AP4E1: variants seen among roughly 807,000 people sequenced by gnomAD.
AP4E1 encodes adaptor related protein complex 4 subunit epsilon 1.
AP4E1 carries 56 observed loss-of-function variants against 128.2 expected under a neutral mutation model. The ratio of observed to expected loss-of-function variants is 0.44; its 90% CI spans 0.35 to 0.55. The LOEUF (loss-of-function observed/expected upper bound fraction) is 0.55. AP4E1 is among the 20% of genes least tolerant of loss of function. The probability of loss-of-function intolerance (pLI) is 0.00; values close to 1 mark genes in which losing one functional copy is unlikely to be tolerated. For missense variants in AP4E1, 1,324 were observed against 1,307.7 expected (o/e 1.01, Z -0.19); for synonymous variants, 484 against 473.1 (o/e 1.02, Z -0.30).
intron 3 of AP4E1, among the ~76,000 whole-genome samples, chr15:50,919,819 G>A (rs1449884651): frequency 6.6e-6 from 1 of 151,876 alleles, no homozygotes; most frequent in Non-Finnish European, 1.5e-5. Context: ...GCTAATGTCT[G>A]TAATGCCAAC....
intron 1 of AP4E1, among the ~76,000 whole-genome samples, chr15:50,909,747 G>A (rs1262523059): frequency 1.3e-5 from 2 of 152,100 alleles, no homozygotes; most frequent in African/African-American, 2.4e-5. Context: ...GAGTGCAGTG[G>A]CGCGATCTGG....
chr15:50,924,119 C>A, intron 4 of AP4E1, 115 bp downstream of exon 4: 1 of 798,874 alleles, frequency 1.3e-6, no homozygotes. Context: ...GCAGAATGGG[C>A]TTAGAAGAAT....
At position 50,913,126 on chromosome 15, in the gene AP4E1, G is replaced by A. The variant is rs182453670; in HGVS notation, c.222+977G>A. Among the ~76,000 whole-genome samples, 90 of 152,260 alleles carry A rather than the reference G, an allele frequency of 5.9e-4. 3 individuals are homozygous for A. The East Asian group carries it at 0.017, about 28-fold the overall frequency. On this transcript the variant is annotated intron_variant, in intron 2 of 20. Transcript: ENST00000261842. ...TGCATAAGCACATGATTGTGAATTT[G>A]AATAACACTTGTAAAGTCTGAGAGA... is the stretch of plus-strand genomic sequence containing the variant.
rs189500505 is a variant in AP4E1 at position 50,925,267 on chromosome 15, C to T, written c.542+48C>T. The T allele has an allele frequency of 4.4e-4, 704 of 1,586,168 alleles. 4 individuals are homozygous for T. The African/African-American group carries it at 8.7e-3, about 20-fold the overall frequency. ...GGCATCTATGCCATATATTTCAAAA[C>T]AGAAGTTTATGCTAGAAAATTTATT... is the stretch of plus-strand genomic sequence containing the variant. On this transcript the variant is annotated intron_variant, in intron 5 of 20. Coordinates refer to ENST00000261842, the MANE Select transcript of AP4E1 (RefSeq NM_007347.5).
intron 15 of AP4E1, among the ~76,000 whole-genome samples, chr15:50,969,985 T>G (rs542419602): frequency 6.6e-6 from 1 of 152,334 alleles, no homozygotes; most frequent in East Asian, 1.9e-4. Flanking sequence ...TTCTAGTTTT[T>G]GAGACTATGT....
Position 50,968,276 on chromosome 15 carries a change from T to A in AP4E1, c.1865T>A (p.Leu622Ter). ...SCEDLVVDASLSFLDGFVAEG... is the reference protein window; with the variant it reads ...SCEDLVVDAS ...ATTTTAATATAGGTAGATGCTTCTTTATCTTTTCTGGATGGTTTTGTGGCT... is the reference window on the plus strand; with the variant it reads ...ATTTTAATATAGGTAGATGCTTCTTAATCTTTTCTGGATGGTTTTGTGGCT... Residue 622 changes from leucine (L) to a stop codon, truncating the protein, a stop_gained, in exon 15 of 21, where the codon TTA becomes TAA. Coordinates refer to ENST00000261842, the MANE Select transcript of AP4E1 (RefSeq NM_007347.5). LOFTEE classifies it high-confidence loss of function. 2 of 1,612,978 alleles carry A rather than the reference T, an allele frequency of 1.2e-6. No homozygotes were observed. Among genetic ancestry groups the A allele is most frequent in the South Asian group, 2.2e-5 (2 of 90,938 alleles).
intron 15 of AP4E1, among the ~76,000 whole-genome samples, chr15:50,972,809 G>C (rs930610577): frequency 6.6e-6 from 1 of 152,170 alleles, no homozygotes; most frequent in Non-Finnish European, 1.5e-5. Flanking sequence ...CTCATGATGT[G>C]GGTGCAAGGC....
intron 14 of AP4E1, among the ~76,000 whole-genome samples, chr15:50,962,156 A>G (rs1040923529): frequency 6.6e-5 from 10 of 152,064 alleles, no homozygotes; most frequent in Non-Finnish European, 1.2e-4. Flanking sequence ...ATGCTCATGG[A>G]TCACATGAAT....
intron 14 of AP4E1, among the ~76,000 whole-genome samples, chr15:50,960,110 CA>C (rs2064290386): frequency 6.6e-6 from 1 of 152,034 alleles, no homozygotes; most frequent in African/African-American, 2.4e-5. Flanking sequence ...AACACTGAAG[CA>C]AATATATATA....
chr15:50,989,208 C>T (rs1410690937), intron 16 of AP4E1, among the ~76,000 whole-genome samples: 2 of 152,234 alleles, frequency 1.3e-5, no homozygotes, highest in East Asian at 3.9e-4. Flanking sequence ...GAAGAAGCTG[C>T]ATCTAATAGA....
chr15:50,983,832 A>G (rs563447809), intron 15 of AP4E1, among the ~76,000 whole-genome samples, 190 bp from the exon 16 acceptor site: 1 of 152,324 alleles, frequency 6.6e-6, no homozygotes, highest in African/African-American at 2.4e-5. Flanking sequence ...ATGAAGACTT[A>G]CAGTAGACAT....
At position 50,912,153 on chromosome 15, in the gene AP4E1, G is replaced by C. The variant is rs755564395; in HGVS notation, c.222+4G>C. The C allele has an allele frequency of 3.7e-6, 6 of 1,612,452 alleles. No individual in the cohort carries two copies. The Admixed American group carries it at 5.0e-5, about 13-fold the overall frequency. On this transcript the variant is annotated splice_donor_region_variant and intron_variant, in intron 2 of 20. Transcript: ENST00000261842. ...TTCTGCTCCTACTACAACACTGGTA[G>C]GTTTGCATAGTCAGTGCCAACACAT...
At chr15:50,998,696 A>G (rs1331888057) in intron 18 of AP4E1, among the ~76,000 whole-genome samples, 3 of 152,110 alleles carry the variant, frequency 2.0e-5, no homozygotes, top group South Asian at 2.1e-4. Context: ...CTTTAACTCT[A>G]CCACCAAAGC....
intron 10 of AP4E1, 112 bp downstream of exon 10, chr15:50,941,887 A>G (rs1351709483): frequency 3.9e-6 from 3 of 777,910 alleles, no homozygotes; most frequent in African/African-American, 1.7e-5. Context: ...GCTCGTGTGT[A>G]TATTTTAACT....
intron 13 of AP4E1, among the ~76,000 whole-genome samples, chr15:50,951,019 A>G (rs913205311): frequency 7.9e-5 from 12 of 152,272 alleles, no homozygotes; most frequent in African/African-American, 2.9e-4. Flanking sequence ...CCAGTCTATC[A>G]TTGATAGGCT....
chr15:50,962,233 C>G (rs904977149), intron 14 of AP4E1, among the ~76,000 whole-genome samples: 1 of 151,994 alleles, frequency 6.6e-6, no homozygotes, highest in Non-Finnish European at 1.5e-5. Context: ...ATACCAATGA[C>G]AGTCTTCACA....
In AP4E1 at chr15:50,999,275, TG is replaced by T; in HGVS notation, c.3095+14del. ...TAGATTTCATTAGGTAAATGTTTTGTGAAATGTTAATTCAAGTTGTTAATTC... is the reference window on the plus strand; with the variant it reads ...TAGATTTCATTAGGTAAATGTTTTGTAAATGTTAATTCAAGTTGTTAATTC... On this transcript the variant is annotated intron_variant, in intron 19 of 20. Coordinates refer to ENST00000261842, the MANE Select transcript of AP4E1 (RefSeq NM_007347.5). 2 of 1,602,380 alleles carry T rather than the reference TG, an allele frequency of 1.2e-6. No individual in the cohort carries two copies. Among genetic ancestry groups the T allele is most frequent in the Non-Finnish European group, 1.7e-6 (2 of 1,172,934 alleles).
chr15:50,931,232 C>G (rs1177148642), intron 7 of AP4E1, among the ~76,000 whole-genome samples: 1 of 152,092 alleles, frequency 6.6e-6, no homozygotes, highest in Non-Finnish European at 1.5e-5. Flanking sequence ...CGTAATTGTT[C>G]TAGTTCAGGG....
chr15:50,979,615 C>G (rs566230695), intron 15 of AP4E1, among the ~76,000 whole-genome samples: 1 of 152,252 alleles, frequency 6.6e-6, no homozygotes, highest in South Asian at 2.1e-4. Context: ...ACCTCCACAT[C>G]CCAGGTTCAA....
Sources: gnomAD v4.1 joint callset for allele counts (sites outside exome capture counted in the v4.1 genomes callset) on GRCh38, gnomAD v4.1.1 for gene constraint, MANE v1.5 for transcripts, NCBI Gene and HGNC (gene_info 2026-07-23, HGNC 2026-07-21) for gene names.